Variants in HCN1 observed in about 807,000 individuals in gnomAD.
HCN1 encodes potassium/sodium hyperpolarization-activated cyclic nucleotide-gated channel 1.
In HCN1, 13 loss-of-function variants were observed where a neutral mutation model predicts 78.9. The ratio of observed to expected loss-of-function variants is 0.16; its 90% CI spans 0.11 to 0.26. The LOEUF (loss-of-function observed/expected upper bound fraction) is 0.26, where lower values mean the gene tolerates loss of function less well. Ranked by LOEUF, HCN1 falls within the 10% of genes least tolerant of loss-of-function variation. The probability of loss-of-function intolerance (pLI) is 1.00; values close to 1 mark genes in which losing one functional copy is unlikely to be tolerated. For missense variants in HCN1, 810 were observed against 1,154.3 expected (o/e 0.70, Z 4.32); for synonymous variants, 552 against 455.5 (o/e 1.21, Z -2.70).
intron 4 of HCN1, among the ~76,000 whole-genome samples, chr5:45,360,201 A>G (rs1419872453): frequency 6.6e-6 from 1 of 151,664 alleles, no homozygotes; most frequent in African/African-American, 2.4e-5. Flanking sequence ...GTTTCTGAAG[A>G]GGTATTTTTC....
chr5:45,621,460 T>C (rs1745060765), intron 2 of HCN1, among the ~76,000 whole-genome samples: 1 of 152,180 alleles, frequency 6.6e-6, no homozygotes, highest in Non-Finnish European at 1.5e-5. Context: ...CCTCATGTTA[T>C]CACACTGAAT....
chr5:45,450,614 C>CAAAAT (rs990241899), intron 3 of HCN1, among the ~76,000 whole-genome samples: 12 of 151,962 alleles, frequency 7.9e-5, no homozygotes, highest in African/African-American at 2.9e-4. Flanking sequence ...AATAAATAAG[C>CAAAAT]AAAATAAATA....
chr5:45,342,975 G>T (rs909475569), intron 5 of HCN1, among the ~76,000 whole-genome samples: 3 of 152,158 alleles, frequency 2.0e-5, no homozygotes, highest in Non-Finnish European at 4.4e-5. Context: ...TACACTGAGG[G>T]CCAGAGAAAG....
intron 4 of HCN1, among the ~76,000 whole-genome samples, chr5:45,359,397 G>GA (rs1160019783): frequency 7.3e-6 from 1 of 137,304 alleles, no homozygotes; most frequent in Non-Finnish European, 1.5e-5. Flanking sequence ...TTACTTTCAG[G>GA]AAGCATCAAA....
intron 4 of HCN1, among the ~76,000 whole-genome samples, chr5:45,382,806 A>T (rs1207117659): frequency 6.6e-6 from 1 of 152,194 alleles, no homozygotes; most frequent in East Asian, 1.9e-4. Context: ...TGATGAAATC[A>T]TGAAATTACG....
At position 45,267,070 on chromosome 5, in the gene HCN1, A is replaced by G. The variant is rs1744873347; in HGVS notation, c.1783+19T>C. On this transcript the variant is annotated intron_variant, in intron 7 of 7. Transcript: ENST00000303230. ...CAGGAGATTAAATTTTATATAAAGAAGGTAGAAAACTAGAGTACCTATTCG... is the reference window on the plus strand; with the variant it reads ...CAGGAGATTAAATTTTATATAAAGAGGGTAGAAAACTAGAGTACCTATTCG... 3 of 1,596,020 alleles carry G rather than the reference A, an allele frequency of 1.9e-6. No homozygotes were observed. The highest frequency in any genetic ancestry group is 2.6e-6 in the Non-Finnish European group (3 of 1,164,810).
At chr5:45,266,287 T>C (rs1270752294) in intron 7 of HCN1, among the ~76,000 whole-genome samples, 3 of 152,202 alleles carry the variant, frequency 2.0e-5, no homozygotes, top group Non-Finnish European at 4.4e-5. Context: ...AGGGCATTAC[T>C]ATCAAGGCTT....
chr5:45,609,478 C>T (rs1476366642), intron 2 of HCN1, among the ~76,000 whole-genome samples: 1 of 152,086 alleles, frequency 6.6e-6, no homozygotes, highest in Non-Finnish European at 1.5e-5. Context: ...GATATGGTTG[C>T]TGTCTCACAA....
At chr5:45,649,967 CAAAG>C (rs1009880683) in intron 1 of HCN1, among the ~76,000 whole-genome samples, 2 of 151,876 alleles carry the variant, frequency 1.3e-5, no homozygotes, top group African/African-American at 2.4e-5. Context: ...AAATAGGAAA[CAAAG>C]AGGTTAGAAA....
At position 45,275,038 on chromosome 5, in the gene HCN1, G is replaced by T. The variant is rs552979787; in HGVS notation, c.1619-7785C>A. Among the ~76,000 whole-genome samples the T allele has an allele frequency of 5.9e-5, 9 of 152,240 alleles. No homozygotes were observed. In the East Asian group the frequency reaches 1.7e-3, roughly 29 times the overall value. ...AGGGGGGCAGATCACTTGAGGTCAG[G>T]AGTTTAAGACCAGCCTGGCCAACAT... is the stretch of plus-strand genomic sequence containing the variant. On this transcript the variant is annotated intron_variant, in intron 6 of 7. Transcript: ENST00000303230.
intron 2 of HCN1, among the ~76,000 whole-genome samples, chr5:45,505,461 ATC>A: frequency 6.6e-6 from 1 of 152,192 alleles, no homozygotes; most frequent in Non-Finnish European, 1.5e-5. Flanking sequence ...ATTGGTCTAT[ATC>A]TCTGTTTTGG....
At chr5:45,329,666 T>G (rs1015451662) in intron 5 of HCN1, among the ~76,000 whole-genome samples, 2 of 151,458 alleles carry the variant, frequency 1.3e-5, no homozygotes, top group Non-Finnish European at 3.0e-5. Context: ...ATATGGGGAA[T>G]AGGTATTTTG....
chr5:45,618,494 T>G lies in HCN1; in HGVS notation c.849+26691A>C, dbSNP rs147284882. On this transcript the variant is annotated intron_variant, in intron 2 of 7. Coordinates refer to ENST00000303230, the MANE Select transcript of HCN1 (RefSeq NM_021072.4). The stretch of plus-strand genomic sequence containing the variant: ...ATTTGAGAGGCTTTAAACAGAGAAG[T>G]AGCATAGCAAGATATTTGCTAGAGC... Among the ~76,000 whole-genome samples the G allele has an allele frequency of 3.4e-4, 51 of 152,178 alleles. 1 individual carries two copies. The East Asian group carries it at 7.7e-3, about 23-fold the overall frequency.
intron 2 of HCN1, among the ~76,000 whole-genome samples, chr5:45,549,772 A>C (rs942147650): frequency 2.6e-5 from 4 of 152,316 alleles, no homozygotes; most frequent in Admixed American, 2.6e-4. Context: ...AATATCCAGA[A>C]TCTACAAAGA....
chr5:45,370,491 T>C (rs1490771736), intron 4 of HCN1, among the ~76,000 whole-genome samples: 2 of 152,068 alleles, frequency 1.3e-5, no homozygotes, highest in African/African-American at 4.8e-5. Context: ...CTTCTGAACT[T>C]CAACATCAGA....
chr5:45,425,328 C>T (rs947667833), intron 3 of HCN1, among the ~76,000 whole-genome samples: 1 of 152,154 alleles, frequency 6.6e-6, no homozygotes, highest in Non-Finnish European at 1.5e-5. Flanking sequence ...CCAAGAAATT[C>T]ATTTATTTGA....
At chr5:45,613,915 C>G (rs1480239048) in intron 2 of HCN1, among the ~76,000 whole-genome samples, 2 of 152,098 alleles carry the variant, frequency 1.3e-5, no homozygotes, top group Non-Finnish European at 2.9e-5. Context: ...AATCCGCAGT[C>G]TTATGAGCAC....
chr5:45,588,002 A>C (rs1296794464), intron 2 of HCN1, among the ~76,000 whole-genome samples: 1 of 152,108 alleles, frequency 6.6e-6, no homozygotes, highest in Non-Finnish European at 1.5e-5. Flanking sequence ...CCTCATCAGA[A>C]CCTGACCATG....
At chr5:45,396,344 T>G (rs1324394776) in intron 4 of HCN1, 148 bp downstream of exon 4, 2 of 704,134 alleles carry the variant, frequency 2.8e-6, no homozygotes, top group Non-Finnish European at 5.0e-6. Context: ...AACCTCAAAA[T>G]ATCAAAGAAG....
Sources: gnomAD v4.1 joint callset for allele counts (sites outside exome capture counted in the v4.1 genomes callset) on GRCh38, gnomAD v4.1.1 for gene constraint, MANE v1.5 for transcripts, NCBI Gene and HGNC (gene_info 2026-07-23, HGNC 2026-07-21) for gene names.